The following COL5A1 variants were observed in gnomAD, a reference collection of about 807,000 sequenced individuals.
The protein encoded by COL5A1 is collagen type V alpha 1 chain, also known as collagen alpha-1(V) chain.
COL5A1 carries 16 observed loss-of-function variants against 263.7 expected under a neutral mutation model. That is an observed-to-expected ratio of 0.06 (90% CI 0.04 to 0.09). The LOEUF (loss-of-function observed/expected upper bound fraction) is 0.09. Among genes scored for constraint, COL5A1 ranks in the 10% least tolerant of loss-of-function variants. The pLI, the probability that COL5A1 is intolerant of heterozygous loss-of-function variation, is 1.00. For synonymous variants in COL5A1, 1,012 were observed against 1,004.5 expected (o/e 1.01, Z -0.14); for missense variants, 2,036 against 2,540.5 (o/e 0.80, Z 4.27).
At chr9:134,734,164 A>G (rs762329691) in intron 9 of COL5A1, among the ~76,000 whole-genome samples, 4 of 152,124 alleles carry the variant, frequency 2.6e-5, no homozygotes, top group Non-Finnish European at 4.4e-5. Flanking sequence ...GCACCCGGGA[A>G]GGCAGCAGTG....
intron 28 of COL5A1, among the ~76,000 whole-genome samples, chr9:134,780,964 G>C (rs1837228995): frequency 1.3e-5 from 2 of 152,268 alleles, no homozygotes; most frequent in Admixed American, 1.3e-4. Context: ...CGTAAGGCAT[G>C]TTGGTCCCCT....
chr9:134,828,587 C>CCATACACCA (rs1839402279), intron 63 of COL5A1, among the ~76,000 whole-genome samples: 1 of 11,508 alleles, frequency 8.7e-5, no homozygotes, highest in African/African-American at 2.2e-4. Context: ...ATATACCACA[C>CCATACACCA]CACACATCAC....
intron 65 of COL5A1, 119 bp downstream of exon 65, chr9:134,835,323 C>A: frequency 1.1e-6 from 1 of 877,512 alleles, no homozygotes; most frequent in East Asian, 2.6e-5. Context: ...GGGCCCCGGA[C>A]CAGACTCTCG....
intron 65 of COL5A1, among the ~76,000 whole-genome samples, chr9:134,838,996 C>T (rs1448586165): frequency 6.6e-6 from 1 of 152,248 alleles, no homozygotes; most frequent in Non-Finnish European, 1.5e-5. Flanking sequence ...AAGTCACAAC[C>T]GTCTCATTTA....
At chr9:134,723,053 C>T (rs988107654) in intron 4 of COL5A1, among the ~76,000 whole-genome samples, 17 of 152,168 alleles carry the variant, frequency 1.1e-4, no homozygotes, top group South Asian at 2.1e-4. Context: ...GGTCACTCCC[C>T]GTCCCCGTGC....
intron 1 of COL5A1, among the ~76,000 whole-genome samples, chr9:134,654,719 GTAGATGTGTA>G (rs1226284717): frequency 7.3e-6 from 1 of 137,426 alleles, no homozygotes; most frequent in Non-Finnish European, 1.6e-5. Context: ...GTGTAGGGCT[GTAGATGTGTA>G]GGGCTGGGGT....
intron 4 of COL5A1, among the ~76,000 whole-genome samples, chr9:134,710,730 T>C (rs1236142334): frequency 1.1e-5 from 1 of 93,256 alleles, no homozygotes; most frequent in Non-Finnish European, 2.1e-5. Context: ...GAGCCCTATT[T>C]GTTGGGTGCA....
chr9:134,841,299 G>A lies in COL5A1; in HGVS notation c.5371-858G>A, dbSNP rs560737490. Among the ~76,000 whole-genome samples the A allele has an allele frequency of 3.3e-5, 5 of 152,188 alleles. No homozygotes were observed. The highest frequency in any genetic ancestry group is 7.2e-5 in the African/African-American group (3 of 41,466). On this transcript the variant is annotated intron_variant, in intron 65 of 65. Transcript: ENST00000371817. The surrounding 1 kb of genome is among the most constrained non-coding windows in gnomAD (Gnocchi z 4.8). ...GGCCCTTGTCTTGGGGGAAGTTGACGGGACAGCAGGGCCAGCTCAGCCTCA... is the reference window on the plus strand; with the variant it reads ...GGCCCTTGTCTTGGGGGAAGTTGACAGGACAGCAGGGCCAGCTCAGCCTCA...
chr9:134,820,254 C>T, intron 58 of COL5A1, 31 bp downstream of exon 58: 1 of 1,564,468 alleles, frequency 6.4e-7, no homozygotes, highest in Non-Finnish European at 8.8e-7. Context: ...TGCATGTGGG[C>T]TGTCGAGAGG....
chr9:134,835,020 C>G lies in COL5A1; in HGVS notation c.5186C>G (p.Thr1729Ser). 1 of 1,613,796 alleles carries G rather than the reference C, an allele frequency of 6.2e-7. No homozygotes were observed. Among genetic ancestry groups the G allele is most frequent in the South Asian group, 1.1e-5 (1 of 91,074 alleles). The change falls in exon 65 of 66, where the codon ACC becomes AGC. Residue 1729 changes from threonine to serine, a missense_variant. Thr to Ser is a moderately conservative substitution (Grantham distance 58). This residue lies in a region of COL5A1 where 358 missense variants were observed against 384.6 expected (regional missense o/e 0.93). Transcript: ENST00000371817. ...EGNPVGVVQM[T>S]FLRLLSASAH... ...AACCCTGTGGGTGTGGTACAGATGACCTTCCTGCGGCTGCTGAGCGCCTCT... is the reference window on the plus strand; with the variant it reads ...AACCCTGTGGGTGTGGTACAGATGAGCTTCCTGCGGCTGCTGAGCGCCTCT...
At chr9:134,721,429 T>TCA (rs1834452229) in intron 4 of COL5A1, among the ~76,000 whole-genome samples, 3 of 152,044 alleles carry the variant, frequency 2.0e-5, no homozygotes, top group Non-Finnish European at 4.4e-5. Flanking sequence ...CATGACTGTG[T>TCA]TTGGATCCCA....
At position 134,712,547 on chromosome 9, in the gene COL5A1, G is replaced by A. The variant is rs566057717; in HGVS notation, c.654+11214G>A. On this transcript the variant is annotated intron_variant, in intron 4 of 65. Transcript: ENST00000371817. ...CCTGCTCCTCTCCTTCTTGTCCCCC[G>A]TCCTTCCTGAGCCCCCTTTCTGTCC... Among the ~76,000 whole-genome samples, 33 of 27,890 alleles carry A rather than the reference G, an allele frequency of 1.2e-3. 1 individual carries two copies. The highest frequency in any genetic ancestry group is 5.9e-3 in the African/African-American group (31 of 5,248). The allele number at this position is 27,890 out of a possible 152,430, so 18.3% of individuals were successfully genotyped here.
chr9:134,645,242 A>G (rs1324278893), intron 1 of COL5A1, among the ~76,000 whole-genome samples: 2 of 152,066 alleles, frequency 1.3e-5, no homozygotes, highest in Non-Finnish European at 2.9e-5. Flanking sequence ...CGCCCTGCAG[A>G]TATTTCTGGA....
intron 57 of COL5A1, 91 bp from the exon 58 acceptor site, chr9:134,820,025 C>T (rs1838930219): frequency 2.2e-6 from 2 of 921,940 alleles, no homozygotes; most frequent in East Asian, 2.4e-5. Context: ...CTTCCTGTGC[C>T]ATGGCTGTGC....
Position 134,757,998 on chromosome 9 carries a change from G to C in COL5A1, c.1882-245G>C, listed in dbSNP as rs1311418826. Among the ~76,000 whole-genome samples the C allele has an allele frequency of 6.6e-6, 1 of 152,198 alleles. No individual in the cohort carries two copies. The highest frequency in any genetic ancestry group is 1.9e-4 in the East Asian group (1 of 5,184). ...CATGACTAAGGACCCGTCGGGGCCT[G>C]GGACTTGGGGATGAAAGTCATCTCC... On this transcript the variant is annotated intron_variant, in intron 17 of 65. Coordinates refer to ENST00000371817, the MANE Select transcript of COL5A1 (RefSeq NM_000093.5). This position sits in a 1 kb window ranked among gnomAD's most constrained non-coding sequence, Gnocchi z 6.2.
intron 58 of COL5A1, among the ~76,000 whole-genome samples, chr9:134,820,545 G>A (rs367674380): frequency 6.6e-6 from 1 of 152,198 alleles, no homozygotes; most frequent in Non-Finnish European, 1.5e-5. Flanking sequence ...GGGAGAGCCT[G>A]TCACCCACCG....
intron 63 of COL5A1, among the ~76,000 whole-genome samples, chr9:134,828,857 ACACACACACCACACAT>A: frequency 6.7e-6 from 1 of 149,308 alleles, no homozygotes; most frequent in South Asian, 2.1e-4. Context: ...ATAACACACT[ACACACACACCACACAT>A]CACACACAGA....
chr9:134,664,365 C>A (rs1832295810), intron 1 of COL5A1, among the ~76,000 whole-genome samples: 2 of 151,840 alleles, frequency 1.3e-5, no homozygotes, highest in Non-Finnish European at 2.9e-5. Flanking sequence ...AGTTTGACCC[C>A]ATAAAAGTCA....
intron 41 of COL5A1, among the ~76,000 whole-genome samples, chr9:134,805,515 C>T (rs1046919718): frequency 2.6e-5 from 4 of 152,088 alleles, no homozygotes; most frequent in African/African-American, 9.7e-5. Flanking sequence ...AGGAGAAAGC[C>T]TACACACCTA....
Sources: gnomAD v4.1 joint callset for allele counts (sites outside exome capture counted in the v4.1 genomes callset) on GRCh38, gnomAD v4.1.1 for gene constraint, gnomAD v4.1.1 regional missense constraint, Gnocchi (gnomAD v3.1) non-coding constraint, MANE v1.5 for transcripts, NCBI Gene and HGNC (gene_info 2026-07-23, HGNC 2026-07-21) for gene names.